STK39: variants seen among roughly 807,000 people sequenced by gnomAD.
The protein encoded by STK39 is serine/threonine kinase 39, also known as STE20/SPS1-related proline-alanine-rich protein kinase.
Under a neutral mutation model 77.8 loss-of-function variants are expected in STK39, and 20 were observed. The ratio of observed to expected loss-of-function variants is 0.26; its 90% CI spans 0.18 to 0.37. The LOEUF is 0.37. Ranked by LOEUF, STK39 falls within the 10% of genes least tolerant of loss-of-function variation. The pLI, the probability that STK39 is intolerant of heterozygous loss-of-function variation, is 1.00. For synonymous variants in STK39, 246 were observed against 234.1 expected, an observed-to-expected ratio of 1.05 and a Z score of -0.47; for missense variants, 479 against 656.5, an observed-to-expected ratio of 0.73 and a Z score of 2.95.
intron 12 of STK39, among the ~76,000 whole-genome samples, chr2:168,073,343 T>A (rs1685991714): frequency 6.6e-6 from 1 of 152,218 alleles, no homozygotes; most frequent in Non-Finnish European, 1.5e-5. Context: ...TTTCTTGTGG[T>A]GAACAACAAA....
chr2:168,208,475 T>C (rs550397520), intron 1 of STK39, among the ~76,000 whole-genome samples: 47 of 152,310 alleles, frequency 3.1e-4, no homozygotes, highest in African/African-American at 1.1e-3. Context: ...TAAAGATACA[T>C]GCAGAGACAC....
At chr2:168,238,235 C>G (rs964357703) in intron 1 of STK39, among the ~76,000 whole-genome samples, 4 of 152,202 alleles carry the variant, frequency 2.6e-5, no homozygotes, top group Admixed American at 2.6e-4. Flanking sequence ...AAAATACTCC[C>G]TGAATGAAGA....
At chr2:168,130,129 CAAAG>C (rs1420256179) in intron 8 of STK39, among the ~76,000 whole-genome samples, 1 of 152,152 alleles carries the variant, frequency 6.6e-6, no homozygotes, top group Non-Finnish European at 1.5e-5. Context: ...ATGACCCTGT[CAAAG>C]AAAGTATACT....
At chr2:168,040,324 G>A (rs925603738) in intron 14 of STK39, among the ~76,000 whole-genome samples, 1 of 152,138 alleles carries the variant, frequency 6.6e-6, no homozygotes, top group Non-Finnish European at 1.5e-5. Flanking sequence ...TAGGTTCCAA[G>A]TATTTCTTTT....
intron 14 of STK39, among the ~76,000 whole-genome samples, chr2:168,030,302 G>C (rs1369006123): frequency 6.6e-6 from 1 of 151,836 alleles, no homozygotes; most frequent in African/African-American, 2.4e-5. Context: ...AATTTTTTTT[G>C]CTTAAAAGTT....
At chr2:168,055,382 C>T (rs1397923955) in intron 14 of STK39, among the ~76,000 whole-genome samples, 1 of 152,186 alleles carries the variant, frequency 6.6e-6, no homozygotes, top group Admixed American at 6.5e-5. Flanking sequence ...TAGCTAAGTG[C>T]ATCTTTTAAT....
At chr2:168,136,855 AAT>A (rs1687854412) in intron 8 of STK39, among the ~76,000 whole-genome samples, 1 of 152,248 alleles carries the variant, frequency 6.6e-6, no homozygotes, top group African/African-American at 2.4e-5. Context: ...CTATGAATCA[AAT>A]ATAAATAACA....
At chr2:168,184,755 T>A (rs943222586) in intron 1 of STK39, among the ~76,000 whole-genome samples, 1 of 152,168 alleles carries the variant, frequency 6.6e-6, no homozygotes, top group African/African-American at 2.4e-5. Flanking sequence ...AGCATCAGAA[T>A]GTAATAAGGG....
At chr2:168,004,424 T>C (rs948329111) in intron 16 of STK39, among the ~76,000 whole-genome samples, 1 of 152,124 alleles carries the variant, frequency 6.6e-6, no homozygotes, top group African/African-American at 2.4e-5. Flanking sequence ...CCAAAGATTA[T>C]TATAAGCATA....
At chr2:168,247,120 C>T (rs1316781547) in intron 1 of STK39, 108 bp downstream of exon 1, 6 of 715,942 alleles carry the variant, frequency 8.4e-6, no homozygotes, top group East Asian at 1.8e-4. Context: ...CGAAGCCGGC[C>T]TCTCTGCCTC....
intron 3 of STK39, among the ~76,000 whole-genome samples, 174 bp from the exon 4 acceptor site, chr2:168,164,054 T>C (rs1213831434): frequency 6.6e-6 from 1 of 152,116 alleles, no homozygotes; most frequent in African/African-American, 2.4e-5. Context: ...AAACACTAAA[T>C]CCAAGTTTGC....
intron 10 of STK39, among the ~76,000 whole-genome samples, chr2:168,127,447 C>T (rs1251897106): frequency 6.6e-6 from 1 of 152,180 alleles, no homozygotes; most frequent in African/African-American, 2.4e-5. Flanking sequence ...CCACACCCGG[C>T]CAAGTAATTT....
At chr2:168,136,770 G>C (rs990841048) in intron 8 of STK39, among the ~76,000 whole-genome samples, 1 of 152,188 alleles carries the variant, frequency 6.6e-6, no homozygotes, top group Non-Finnish European at 1.5e-5. Flanking sequence ...TAGAATCTAA[G>C]AGCATTTCAC....
At chr2:168,204,448 G>T (rs1689691187) in intron 1 of STK39, among the ~76,000 whole-genome samples, 1 of 152,200 alleles carries the variant, frequency 6.6e-6, no homozygotes, top group Non-Finnish European at 1.5e-5. Flanking sequence ...TCAGAAACAA[G>T]AGTCAAGTTA....
chr2:168,001,658 T>G (rs1320831901), intron 16 of STK39, among the ~76,000 whole-genome samples: 1 of 152,162 alleles, frequency 6.6e-6, no homozygotes, highest in African/African-American at 2.4e-5. Flanking sequence ...ACTTTCAAAT[T>G]TTTTTGATTG....
At chr2:168,177,037 A>T (rs1240536040) in intron 2 of STK39, among the ~76,000 whole-genome samples, 1 of 152,220 alleles carries the variant, frequency 6.6e-6, no homozygotes. Flanking sequence ...TTTTTCCAGA[A>T]TGAGCAGTTC....
At chr2:168,057,545 T>C (rs554322439) in intron 14 of STK39, among the ~76,000 whole-genome samples, 63 of 151,508 alleles carry the variant, frequency 4.2e-4, no homozygotes, top group Non-Finnish European at 7.4e-4. Flanking sequence ...CACACGCACG[T>C]GCACACACAC....
intron 17 of STK39, among the ~76,000 whole-genome samples, chr2:167,963,534 A>T (rs200741146): frequency 6.7e-6 from 1 of 148,356 alleles, no homozygotes; most frequent in Non-Finnish European, 1.5e-5. Context: ...AAAAAAAAAA[A>T]AAACACACAC....
At chr2:168,044,703 G>C (rs961993970) in intron 14 of STK39, among the ~76,000 whole-genome samples, 1 of 152,180 alleles carries the variant, frequency 6.6e-6, no homozygotes. Flanking sequence ...AAACCCAAGG[G>C]AACCAGTGAC....
Sources: allele counts gnomAD v4.1 joint callset (sites outside exome capture counted in the v4.1 genomes callset), GRCh38; gene constraint gnomAD v4.1.1; transcripts MANE v1.5; gene names NCBI Gene and HGNC (gene_info 2026-07-23, HGNC 2026-07-21).